The following ANO3 variants were observed in gnomAD, a reference collection of about 807,000 sequenced individuals.
The protein encoded by ANO3 is anoctamin 3.
A neutral mutation model predicts 144.8 loss-of-function variants in ANO3; 99 were observed. That is an observed-to-expected ratio of 0.68 (90% CI 0.58 to 0.81). ANO3 has a LOEUF of 0.81. Ranked by LOEUF, ANO3 falls within the 30% of genes least tolerant of loss-of-function variation. ANO3 has a pLI of 0.00. For missense variants in ANO3, 905 were observed against 1,202.2 expected (o/e 0.75, Z 3.66); for synonymous variants, 414 against 392.6 (o/e 1.05, Z -0.64).
intron 3 of ANO3, among the ~76,000 whole-genome samples, chr11:26,451,460 C>T (rs1305278599): frequency 5.9e-5 from 9 of 152,304 alleles, no homozygotes; most frequent in East Asian, 3.9e-4. Flanking sequence ...GAGGGTCCTA[C>T]GCCCACGGAG....
chr11:26,552,633 C>A (rs1463887675), intron 12 of ANO3, among the ~76,000 whole-genome samples: 1 of 151,914 alleles, frequency 6.6e-6, no homozygotes, highest in African/African-American at 2.4e-5. Context: ...AGGCAGTGGA[C>A]ATAAAACTGA....
At chr11:26,343,639 A>G (rs983006476) in intron 1 of ANO3, among the ~76,000 whole-genome samples, 3 of 152,238 alleles carry the variant, frequency 2.0e-5, no homozygotes, top group Non-Finnish European at 2.9e-5. Flanking sequence ...TATCAACATA[A>G]GATGGTGTCA....
At chr11:26,493,897 C>A (rs961039353) in intron 4 of ANO3, among the ~76,000 whole-genome samples, 1 of 152,138 alleles carries the variant, frequency 6.6e-6, no homozygotes, top group South Asian at 2.1e-4. Flanking sequence ...TACCTTCTTT[C>A]AAGCCTGGAA....
intron 1 of ANO3, among the ~76,000 whole-genome samples, chr11:26,213,384 T>C (rs1590196671): frequency 6.6e-6 from 1 of 151,798 alleles, no homozygotes; most frequent in Admixed American, 6.6e-5. Context: ...AGAAGCCCCA[T>C]CATCTCAGCC....
At chr11:26,337,215 A>G (rs1053080136) in intron 1 of ANO3, among the ~76,000 whole-genome samples, 3 of 152,246 alleles carry the variant, frequency 2.0e-5, no homozygotes, top group African/African-American at 7.2e-5. Flanking sequence ...TATATACCTC[A>G]GATGGCTCAG....
chr11:26,657,482 G>C (rs1270543582), intron 26 of ANO3, among the ~76,000 whole-genome samples: 1 of 151,904 alleles, frequency 6.6e-6, no homozygotes, highest in Admixed American at 6.6e-5. Context: ...TCTTATTTTG[G>C]AGCTCAAATG....
intron 17 of ANO3, among the ~76,000 whole-genome samples, chr11:26,618,166 A>G (rs1310737777): frequency 6.6e-6 from 1 of 152,196 alleles, no homozygotes; most frequent in East Asian, 1.9e-4. Context: ...AATATAATCC[A>G]TGTACATGGG....
At chr11:26,230,840 T>C (rs1434670800) in intron 1 of ANO3, among the ~76,000 whole-genome samples, 2 of 115,990 alleles carry the variant, frequency 1.7e-5, no homozygotes, top group Non-Finnish European at 3.6e-5. Flanking sequence ...AAAAAAAAAG[T>C]TTATCTTTTT....
At position 26,638,642 on chromosome 11, in the gene ANO3, T is replaced by C. The variant is rs34459184; in HGVS notation, c.2044-502T>C. On this transcript the variant is annotated intron_variant, in intron 20 of 26. Transcript: ENST00000256737. ...TCTACTAATATCATTTTCTTAGCTT[T>C]GTCAAATATACCATGGTAATGTATG... is the stretch of plus-strand genomic sequence containing the variant. 8.1e-4 allele frequency among the ~76,000 whole-genome samples: 123 copies of C among 152,304 alleles called. 1 individual carries two copies. Among genetic ancestry groups the C allele is most frequent in the Non-Finnish European group, 1.2e-3 (83 of 68,020 alleles).
At chr11:26,418,055 A>G (rs1349625496) in intron 1 of ANO3, among the ~76,000 whole-genome samples, 1 of 152,150 alleles carries the variant, frequency 6.6e-6, no homozygotes, top group African/African-American at 2.4e-5. Flanking sequence ...TTTTGAAATT[A>G]GTATTCAATG....
chr11:26,311,239 T>G (rs896438491), intron 1 of ANO3, among the ~76,000 whole-genome samples: 1 of 152,162 alleles, frequency 6.6e-6, no homozygotes, highest in African/African-American at 2.4e-5. Flanking sequence ...ATTGTGTGGA[T>G]TTATTGACTC....
intron 5 of ANO3, among the ~76,000 whole-genome samples, chr11:26,514,877 CT>C (rs1443995230): frequency 6.6e-6 from 1 of 151,990 alleles, no homozygotes; most frequent in Non-Finnish European, 1.5e-5. Flanking sequence ...TCACAAAAAC[CT>C]TTTCACCAAA....
chr11:26,294,641 C>A (rs146482622), intron 1 of ANO3, among the ~76,000 whole-genome samples: 1 of 152,126 alleles, frequency 6.6e-6, no homozygotes, highest in African/African-American at 2.4e-5. Flanking sequence ...AGATTCAGAT[C>A]GTGTTCTCTG....
chr11:26,505,594 C>G (rs1016832663), intron 4 of ANO3, among the ~76,000 whole-genome samples: 2 of 152,116 alleles, frequency 1.3e-5, no homozygotes, highest in Non-Finnish European at 2.9e-5. Context: ...AGGAGAAAAT[C>G]CAGACACATT....
In ANO3 at chr11:26,516,927, G is replaced by T; in HGVS notation, c.692G>T (p.Arg231Met). ...AERLNIRMPF[R>M]KKCYYTDGRS... ...AGGCTGAATATCAGGATGCCCTTCA[G>T]GTACTTTCAAATTTTACTTTATTTT... The change falls in exon 6 of 27, where the codon AGG becomes ATG. Residue 231 changes from arginine to methionine, a missense_variant and splice_region_variant. By Grantham distance (91) the Arg-to-Met change is moderately conservative. This residue lies in a region of ANO3 where 63 missense variants were observed against 107.3 expected (regional missense o/e 0.59). Transcript: ENST00000256737. 1 of 1,589,672 alleles carries T rather than the reference G, an allele frequency of 6.3e-7. No homozygotes were observed. The highest frequency in any genetic ancestry group is 1.1e-5 in the South Asian group (1 of 89,330).
chr11:26,531,709 A>C (rs1349363657), intron 8 of ANO3, among the ~76,000 whole-genome samples: 1 of 152,022 alleles, frequency 6.6e-6, no homozygotes, highest in African/African-American at 2.4e-5. Context: ...TAAATAAATT[A>C]TAATTATAAT....
At chr11:26,284,762 C>T (rs368008774) in intron 1 of ANO3, among the ~76,000 whole-genome samples, 20 of 152,072 alleles carry the variant, frequency 1.3e-4, no homozygotes, top group African/African-American at 4.8e-4. Context: ...AAAAATTAGC[C>T]GGGCGTGCTG....
rs1439551871 is a variant in ANO3, at chr11:26,267,106, AAAAGAAAAG to A, written c.155-42535_155-42527del. Among the ~76,000 whole-genome samples, 3 of 145,960 alleles carry A rather than the reference AAAAGAAAAG, an allele frequency of 2.1e-5. No individual in the cohort carries two copies. The East Asian group carries it at 7.6e-4, about 37-fold the overall frequency. On this transcript the variant is annotated intron_variant, in intron 1 of 27. Transcript: ENST00000672621. ...GATTCCGTCAAACAAACAAAAAAAA[AAAAGAAAAG>A]AAAAGAAAAAGACTTTTGTATATAA... is the stretch of plus-strand genomic sequence containing the variant.
At chr11:26,640,521 C>T (rs1853114822) in intron 21 of ANO3, among the ~76,000 whole-genome samples, 1 of 152,128 alleles carries the variant, frequency 6.6e-6, no homozygotes. Context: ...ATGTCAAGTG[C>T]CTAGCACAGA....
Sources: allele counts gnomAD v4.1 joint callset (sites outside exome capture counted in the v4.1 genomes callset), GRCh38; gene constraint gnomAD v4.1.1; regional missense constraint gnomAD v4.1.1; transcripts MANE v1.5; gene names NCBI Gene and HGNC (gene_info 2026-07-23, HGNC 2026-07-21).